WDR1: variants seen among roughly 807,000 people sequenced by gnomAD.
WDR1 encodes WD repeat domain 1, also known as WD repeat-containing protein 1.
WDR1 carries 21 observed loss-of-function variants against 71.9 expected under a neutral mutation model. That is an observed-to-expected ratio of 0.29 (90% CI 0.21 to 0.42). The LOEUF (loss-of-function observed/expected upper bound fraction) is 0.42. WDR1 is among the 10% of genes least tolerant of loss of function. WDR1 has a pLI of 1.00. For missense variants in WDR1, 696 were observed against 824.5 expected (o/e 0.84, Z 1.91); for synonymous variants, 424 against 347.4 (o/e 1.22, Z -2.45).
Position 10,079,043 on chromosome 4 carries a change from C to A in WDR1, c.1285-42G>T, listed in dbSNP as rs769749266. The A allele has an allele frequency of 1.3e-6, 2 of 1,510,124 alleles. 1 individual carries two copies. The highest frequency in any genetic ancestry group is 2.5e-5 in the South Asian group (2 of 81,376). 93.5% of individuals were successfully genotyped at this position (1,510,124 alleles called of 1,614,324 possible). On this transcript the variant is annotated intron_variant, in intron 11 of 14. Coordinates refer to ENST00000499869, the MANE Select transcript of WDR1 (RefSeq NM_017491.5). ...CAGCTGGTCAGGCGGTCCAGCCCTTCGGGACAAAACCCTCAGTGGTAGGAG... is the reference window on the plus strand; with the variant it reads ...CAGCTGGTCAGGCGGTCCAGCCCTTAGGGACAAAACCCTCAGTGGTAGGAG...
intron 3 of WDR1, among the ~76,000 whole-genome samples, chr4:10,101,177 C>T (rs571593501): frequency 7.2e-5 from 11 of 152,384 alleles, no homozygotes; most frequent in Admixed American, 6.5e-4. Context: ...CCTGGGCCTG[C>T]CCCCGAAATG....
In WDR1 at chr4:10,116,786, G is replaced by T. The variant is rs1713773322; in HGVS notation, c.-120C>A. 8.5e-7 allele frequency: 1 copy of T among 1,173,308 alleles called. No individual in the cohort carries two copies. Among genetic ancestry groups the T allele is most frequent in the African/African-American group, 1.6e-5 (1 of 62,084 alleles). The allele number at this position is 1,173,308 out of a possible 1,614,324, so 72.7% of individuals were successfully genotyped here. A position where few individuals can be genotyped will look rare whatever the true frequency, so the allele number is the denominator to read the frequency against. ...GGAGCCGGAAGGCGGCACCGGGCGT[G>T]CCGGGAGTGGAGTGGGCGGTCCGAG... On this transcript the variant is annotated 5_prime_UTR_variant, in exon 1 of 15. Transcript: ENST00000499869.
Position 10,084,887 on chromosome 4 carries a change from C to T in WDR1, c.952-357G>A, listed in dbSNP as rs549718564. On this transcript the variant is annotated intron_variant, in intron 8 of 14. Coordinates refer to ENST00000499869, the MANE Select transcript of WDR1 (RefSeq NM_017491.5). ...GGCCTGCACCCCGCCGACCAGCACC[C>T]GTCGCGGGGAGCCACAAGGGGGTCG... 4.4e-3 allele frequency among the ~76,000 whole-genome samples: 666 copies of T among 152,350 alleles called. 8 individuals carry two copies. Among genetic ancestry groups the T allele is most frequent in the Middle Eastern group, 6.8e-3 (2 of 294 alleles).
chr4:10,079,127 G>T (rs773016275), intron 11 of WDR1, 126 bp from the exon 12 acceptor site: 40 of 668,692 alleles, frequency 6.0e-5, no homozygotes, highest in Non-Finnish European at 9.7e-5. Flanking sequence ...CAACCTCTTT[G>T]CAGGGCCACC....
At chr4:10,088,587 G>A in intron 6 of WDR1, 77 bp downstream of exon 6, 1 of 1,324,068 alleles carries the variant, frequency 7.6e-7, no homozygotes. Flanking sequence ...CTAGCATTAG[G>A]CAGCCTGCGG....
At chr4:10,088,165 A>G in intron 7 of WDR1, 128 bp downstream of exon 7, 4 of 1,024,930 alleles carry the variant, frequency 3.9e-6, no homozygotes, top group South Asian at 1.4e-5. Context: ...CTGGGCAGAT[A>G]TAAAACCGCC....
Position 10,087,776 on chromosome 4 carries a change from A to G in WDR1, c.882T>C (p.Ser294=), listed in dbSNP as rs772132505. The G allele has an allele frequency of 1.2e-6, 2 of 1,601,264 alleles. No homozygotes were observed. ...AGTTGATGTACCCGGACAGGGAGAC[A>G]CTGAGCAGGTGGTCCTTCTGCCATA... ...GCLWQKDHLL[S]VSLSGYINYL... Residue 294 remains serine, a synonymous_variant, in exon 8 of 15, where the codon AGT becomes AGC. Coordinates refer to ENST00000499869, the MANE Select transcript of WDR1 (RefSeq NM_017491.5).
intron 2 of WDR1, among the ~76,000 whole-genome samples, chr4:10,109,925 G>C (rs886832126): frequency 6.6e-6 from 1 of 152,188 alleles, no homozygotes; most frequent in Non-Finnish European, 1.5e-5. Flanking sequence ...GATGCTTTAC[G>C]AATTAGCTCC....
intron 5 of WDR1, among the ~76,000 whole-genome samples, chr4:10,090,658 G>C (rs568441856): frequency 6.6e-6 from 1 of 152,302 alleles, no homozygotes; most frequent in South Asian, 2.1e-4. Context: ...CTCACGGCTG[G>C]GGTCAGGCTG....
chr4:10,092,525 C>A, intron 5 of WDR1: 5 of 157,128 alleles, frequency 3.2e-5, no homozygotes, highest in South Asian at 3.8e-4. Context: ...TGTGTCCCTC[C>A]CTGGCCCCAG....
At position 10,088,065 on chromosome 4, in the gene WDR1, A is replaced by G. The variant is rs1253445896; in HGVS notation, c.718-125T>C. ...AAGGAGCCCAGAGAGAGGGTGGGAC[A>G]TGAGTGAGGCCAAGGACAACACCCG... On this transcript the variant is annotated intron_variant, in intron 7 of 14. Transcript: ENST00000499869. The G allele has an allele frequency of 3.0e-6, 3 of 1,008,600 alleles. No individual in the cohort carries two copies. In the African/African-American group the frequency reaches 4.9e-5, roughly 16 times the overall value. 62.5% of individuals were successfully genotyped at this position (1,008,600 alleles called of 1,614,324 possible).
intron 3 of WDR1, among the ~76,000 whole-genome samples, chr4:10,103,287 C>G (rs77231916): frequency 3.4e-4 from 10 of 29,024 alleles, no homozygotes; most frequent in South Asian, 6.6e-4. Flanking sequence ...CACACACACA[C>G]AGACACACAC....
Position 10,075,250 on chromosome 4 carries a change from G to C in WDR1, c.*128C>G. ...CCTGCAGAGACGAGGGTCATGACTG[G>C]GCCCTCCTGCCTCTTGTGGTGGGGT... is the stretch of plus-strand genomic sequence containing the variant. On this transcript the variant is annotated 3_prime_UTR_variant, in exon 15 of 15. Transcript: ENST00000499869. The C allele has an allele frequency of 2.7e-6, 2 of 744,608 alleles. No individual in the cohort carries two copies. The highest frequency in any genetic ancestry group is 2.3e-6 in the Non-Finnish European group (1 of 435,402). 46.1% of individuals were successfully genotyped at this position (744,608 alleles called of 1,614,324 possible). A position where few individuals can be genotyped will look rare whatever the true frequency, so the allele number is the denominator to read the frequency against.
At chr4:10,079,609 A>G (rs192236196) in intron 11 of WDR1, among the ~76,000 whole-genome samples, 2 of 152,178 alleles carry the variant, frequency 1.3e-5, no homozygotes, top group East Asian at 1.9e-4. Context: ...TTCCTTGTCA[A>G]TTCTTCCGGT....
chr4:10,113,023 G>A (rs889649078), intron 2 of WDR1, among the ~76,000 whole-genome samples: 7 of 152,184 alleles, frequency 4.6e-5, no homozygotes, highest in Non-Finnish European at 7.3e-5. Context: ...TTCTATTCCG[G>A]GGACACCCCT....
chr4:10,103,433 A>G (rs1448691334), intron 3 of WDR1, among the ~76,000 whole-genome samples: 2 of 152,134 alleles, frequency 1.3e-5, no homozygotes, highest in Non-Finnish European at 2.9e-5. Context: ...CTGCAACACT[A>G]CAAACTAGAA....
chr4:10,116,476 C>G, intron 1 of WDR1, 175 bp downstream of exon 1: 1 of 731,950 alleles, frequency 1.4e-6, no homozygotes, highest in South Asian at 2.6e-5. Context: ...GGCGCACCCC[C>G]CGTCGGGGGT....
Position 10,075,384 on chromosome 4 carries a change from G to C in WDR1, c.1815C>G (p.Thr605=), listed in dbSNP as rs759032758. The part of the protein sequence containing the change: ...HDASVKEWTI[T]Y ...GAGGCGGGGGTGGGGCTCCTCAGTAGGTGATTGTCCACTCCTTGACAGAGG... is the reference window on the plus strand; with the variant it reads ...GAGGCGGGGGTGGGGCTCCTCAGTACGTGATTGTCCACTCCTTGACAGAGG... The change falls in exon 15 of 15, where the codon ACC becomes ACG. Residue 605 remains threonine (T), a synonymous_variant. Transcript: ENST00000499869. 6.2e-7 allele frequency: 1 copy of C among 1,613,786 alleles called. No individual in the cohort carries two copies. The highest frequency in any genetic ancestry group is 8.5e-7 in the Non-Finnish European group (1 of 1,179,796).
At chr4:10,114,261 C>CG (rs1440283192) in intron 2 of WDR1, among the ~76,000 whole-genome samples, 1 of 152,130 alleles carries the variant, frequency 6.6e-6, no homozygotes, top group Non-Finnish European at 1.5e-5. Flanking sequence ...TGGCAAACCA[C>CG]GGGGAAGGGG....
Sources: gnomAD v4.1 joint callset for allele counts (sites outside exome capture counted in the v4.1 genomes callset) on GRCh38, gnomAD v4.1.1 for gene constraint, MANE v1.5 for transcripts, NCBI Gene and HGNC (gene_info 2026-07-23, HGNC 2026-07-21) for gene names.